The following IFT88 variants were observed in gnomAD, a reference collection of about 807,000 sequenced individuals.
IFT88 encodes the protein intraflagellar transport 88.
IFT88 carries 74 observed loss-of-function variants against 119.5 expected under a neutral mutation model. That is an observed-to-expected ratio of 0.62 (90% CI 0.51 to 0.75). The LOEUF is 0.75. Among genes scored for constraint, IFT88 ranks in the 30% least tolerant of loss-of-function variants. IFT88 has a pLI of 0.00. For missense variants in IFT88, 961 were observed against 977.7 expected, an observed-to-expected ratio of 0.98 and a Z score of 0.23; for synonymous variants, 279 against 316.7, an observed-to-expected ratio of 0.88 and a Z score of 1.26.
intron 24 of IFT88, 79 bp downstream of exon 24, chr13:20,671,118 TC>T: frequency 2.7e-6 from 3 of 1,110,410 alleles, no homozygotes; most frequent in Non-Finnish European, 2.7e-6. Flanking sequence ...CTTGCAATAA[TC>T]TAAAGTGTTC....
chr13:20,591,072 T>G, intron 5 of IFT88, 52 bp downstream of exon 5: 1 of 1,291,014 alleles, frequency 7.7e-7, no homozygotes, highest in Non-Finnish European at 1.1e-6. Context: ...GACTTGGAAT[T>G]TACTACCAAA....
chr13:20,633,846 C>T (rs1019823728), intron 16 of IFT88, among the ~76,000 whole-genome samples: 3 of 152,134 alleles, frequency 2.0e-5, no homozygotes, highest in Admixed American at 2.0e-4. Flanking sequence ...ATAGTTGTAT[C>T]TGTTTTCTCT....
intron 2 of IFT88, among the ~76,000 whole-genome samples, chr13:20,578,457 C>T (rs1269770887): frequency 2.1e-5 from 3 of 139,710 alleles, no homozygotes; most frequent in African/African-American, 8.1e-5. Context: ...TTGTATATGT[C>T]TAGGAATTTA....
chr13:20,664,063 A>G (rs1566410749), intron 23 of IFT88, among the ~76,000 whole-genome samples: 1 of 152,248 alleles, frequency 6.6e-6, no homozygotes, highest in Non-Finnish European at 1.5e-5. Flanking sequence ...TACCTTGATC[A>G]AATACCAACT....
intron 24 of IFT88, among the ~76,000 whole-genome samples, chr13:20,672,152 G>A (rs2055984600): frequency 6.6e-6 from 1 of 152,096 alleles, no homozygotes; most frequent in South Asian, 2.1e-4. Flanking sequence ...AAGACTCCTT[G>A]AATTCAGAGC....
chr13:20,632,544 T>G (rs2048361914), intron 16 of IFT88, among the ~76,000 whole-genome samples: 1 of 152,220 alleles, frequency 6.6e-6, no homozygotes, highest in Non-Finnish European at 1.5e-5. Context: ...GGAATGGTCT[T>G]TAACAGATTT....
chr13:20,614,311 G>A (rs527311706), intron 13 of IFT88: 1 of 152,140 alleles, frequency 6.6e-6, no homozygotes, highest in Non-Finnish European at 1.5e-5. Context: ...GTATGTTTTT[G>A]TGATGAATGA....
intron 15 of IFT88, among the ~76,000 whole-genome samples, chr13:20,627,101 G>C (rs2047463990): frequency 6.6e-6 from 1 of 152,174 alleles, no homozygotes; most frequent in South Asian, 2.1e-4. Context: ...AATTAATGTA[G>C]TACCATGGGG....
At chr13:20,571,245 C>T (rs1199600961) in intron 1 of IFT88, among the ~76,000 whole-genome samples, 2 of 152,186 alleles carry the variant, frequency 1.3e-5, no homozygotes, top group African/African-American at 4.8e-5. Flanking sequence ...CTGCCTGCCT[C>T]GGCCTCCCAA....
chr13:20,595,493 T>TTGGCCATGC (rs2041489402), intron 7 of IFT88, among the ~76,000 whole-genome samples: 1 of 151,948 alleles, frequency 6.6e-6, no homozygotes, highest in Non-Finnish European at 1.5e-5. Context: ...TTTCACCATG[T>TTGGCCATGC]TGGCCATGCT....
At position 20,574,280 on chromosome 13, in the gene IFT88, A is replaced by G. The variant is rs2036945603; in HGVS notation, c.-6-100A>G. On this transcript the variant is annotated intron_variant, in intron 1 of 25. Transcript: ENST00000351808. ...GGCTATAGTGAGCCGTGATTGTGCT[A>G]CTGCATTCCAGCCTGGGCAACAGAG... 5.6e-6 allele frequency: 3 copies of G among 531,650 alleles called. No individual in the cohort carries two copies. In the South Asian group the frequency reaches 1.0e-4, roughly 18 times the overall value. The allele number at this position is 531,650 out of a possible 1,614,324, so 32.9% of individuals were successfully genotyped here. A position where few individuals can be genotyped will look rare whatever the true frequency, so the allele number is the denominator to read the frequency against.
intron 23 of IFT88, among the ~76,000 whole-genome samples, chr13:20,663,982 C>A (rs1280572301): frequency 1.3e-5 from 2 of 152,176 alleles, no homozygotes; most frequent in Non-Finnish European, 2.9e-5. Flanking sequence ...TGTGCTTTAA[C>A]AAGTTTTCTA....
At chr13:20,628,304 CAAA>C (rs1018783028) in intron 15 of IFT88, among the ~76,000 whole-genome samples, 4 of 151,826 alleles carry the variant, frequency 2.6e-5, no homozygotes, top group Non-Finnish European at 5.9e-5. Context: ...TAGACTCTGC[CAAA>C]AAGCCCAAAG....
At chr13:20,577,899 G>A (rs1022691171) in intron 2 of IFT88, among the ~76,000 whole-genome samples, 4 of 151,866 alleles carry the variant, frequency 2.6e-5, no homozygotes, top group African/African-American at 9.7e-5. Flanking sequence ...CTCTTTCTCT[G>A]TTTTTTGGAG....
At chr13:20,679,081 C>T (rs1217001215) in intron 24 of IFT88, among the ~76,000 whole-genome samples, 1 of 152,154 alleles carries the variant, frequency 6.6e-6, no homozygotes, top group East Asian at 1.9e-4. Flanking sequence ...CAGTATGACC[C>T]TTTAAATGTC....
intron 24 of IFT88, among the ~76,000 whole-genome samples, chr13:20,690,141 G>A (rs751027069): frequency 6.6e-6 from 1 of 152,116 alleles, no homozygotes; most frequent in East Asian, 1.9e-4. Context: ...AAACGAAATG[G>A]TCAGTGTGTT....
chr13:20,646,317 A>G (rs1392709687), intron 20 of IFT88, among the ~76,000 whole-genome samples: 1 of 144,838 alleles, frequency 6.9e-6, no homozygotes, highest in Non-Finnish European at 1.5e-5. Context: ...TTTTTTTGAG[A>G]CAGAGGACGG....
chr13:20,634,685 G>T (rs1594459720), intron 16 of IFT88, among the ~76,000 whole-genome samples: 1 of 151,080 alleles, frequency 6.6e-6, no homozygotes, highest in East Asian at 1.9e-4. Flanking sequence ...CCAAGATCGT[G>T]CCACTGCATT....
chr13:20,580,016 A>C (rs1021303668), intron 2 of IFT88, among the ~76,000 whole-genome samples: 5 of 152,196 alleles, frequency 3.3e-5, no homozygotes, highest in Non-Finnish European at 7.3e-5. Flanking sequence ...AGAAATAACT[A>C]CTGTCAACAT....
Sources: gnomAD v4.1 joint callset for allele counts (sites outside exome capture counted in the v4.1 genomes callset) on GRCh38, gnomAD v4.1.1 for gene constraint, MANE v1.5 for transcripts, NCBI Gene and HGNC (gene_info 2026-07-23, HGNC 2026-07-21) for gene names.